Variants in SBNO2 observed in about 807,000 individuals in gnomAD.
The protein encoded by SBNO2 is strawberry notch homolog 2, also known as protein strawberry notch homolog 2.
SBNO2 carries 89 observed loss-of-function variants against 146.3 expected under a neutral mutation model. That is an observed-to-expected ratio of 0.61 (90% CI 0.51 to 0.73). SBNO2 has a LOEUF of 0.73. SBNO2 is among the 30% of genes least tolerant of loss of function. The pLI is 0.00. For missense variants in SBNO2, 2,092 were observed against 2,003.7 expected (o/e 1.04, Z -0.84); for synonymous variants, 1,147 against 892.6 (o/e 1.29, Z -5.08).
chr19:1,121,199 T>C (rs985939947), intron 11 of SBNO2, among the ~76,000 whole-genome samples: 2 of 152,204 alleles, frequency 1.3e-5, no homozygotes, highest in Non-Finnish European at 2.9e-5. Flanking sequence ...AGGTTCTTAA[T>C]ATTTTAAGAC....
intron 1 of SBNO2, among the ~76,000 whole-genome samples, chr19:1,155,403 C>T (rs968622845): frequency 6.6e-6 from 1 of 152,058 alleles, no homozygotes; most frequent in Admixed American, 6.5e-5. Context: ...GTCACCCTGC[C>T]AGGCCGTCCC....
intron 1 of SBNO2, among the ~76,000 whole-genome samples, chr19:1,155,308 T>G (rs1360872617): frequency 6.6e-6 from 1 of 152,124 alleles, no homozygotes; most frequent in Non-Finnish European, 1.5e-5. Flanking sequence ...TGCCCGGCGC[T>G]CCAGAGACAG....
At chr19:1,169,832 A>G (rs1205913098) in intron 1 of SBNO2, among the ~76,000 whole-genome samples, 1 of 152,170 alleles carries the variant, frequency 6.6e-6, no homozygotes, top group Non-Finnish European at 1.5e-5. Flanking sequence ...ATATGACTCA[A>G]CGGTTTCAAC....
Position 1,119,077 on chromosome 19 carries a change from G to T in SBNO2, c.1461C>A (p.Thr487=). ...IARQLSFSGV[T]FRIEEIPLAP... ...CCAGCGGGATCTCCTCGATGCGGAA[G>T]GTGACGCCGGAGAAGCTGAGCTGGC... Residue 487 remains threonine, a synonymous_variant, in exon 14 of 32, where the codon ACC becomes ACA. Coordinates refer to ENST00000361757, the MANE Select transcript of SBNO2 (RefSeq NM_014963.3). 1 of 1,606,010 alleles carries T rather than the reference G, an allele frequency of 6.2e-7. No individual in the cohort carries two copies.
rs1432406684 is a variant in SBNO2 at position 1,119,523 on chromosome 19, C to T, written c.1366G>A (p.Glu456Lys). 14 of 1,602,810 alleles carry T rather than the reference C, an allele frequency of 8.7e-6. No individual in the cohort carries two copies. The highest frequency in any genetic ancestry group is 1.3e-5 in the African/African-American group (1 of 74,678). Residue 456 changes from glutamate to lysine, a missense_variant, in exon 13 of 32, where the codon GAG becomes AAG. By Grantham distance (56) the Glu-to-Lys change is moderately conservative. Coordinates refer to ENST00000361757, the MANE Select transcript of SBNO2 (RefSeq NM_014963.3). ...GGTGAGAAGGGCACTCACCTCTTCT[C>T]GATGGCGTGCAGGAACTCCTCAAAG... is the stretch of plus-strand genomic sequence containing the variant. The part of the protein sequence containing the change: ...RNFEEFLHAI[E>K]KRGVGAMEIV...
At position 1,120,003 on chromosome 19, in the gene SBNO2, G is replaced by T; in HGVS notation, c.1170C>A (p.His390Gln). ...FEGVIVFDEC[H>Q]KAKNAGSTKM... ...TGGTGGAGCCGGCATTCTTGGCTTT[G>T]TGACACTCGTCGAACACGATCTGAG... is the stretch of plus-strand genomic sequence containing the variant. The change falls in exon 12 of 32, where the codon CAC becomes CAA. Residue 390 changes from histidine (H) to glutamine (Q), a missense_variant. Transcript: ENST00000361757. 1 of 1,551,488 alleles carries T rather than the reference G, an allele frequency of 6.4e-7. No homozygotes were observed.
At chr19:1,152,311 C>A (rs12976934) in intron 2 of SBNO2, among the ~76,000 whole-genome samples, 7,328 of 152,112 alleles carry the variant, frequency 0.048, 354 homozygotes, top group East Asian at 0.25. Context: ...ATTTCCCCAC[C>A]GTAGAGCCTC....
intron 1 of SBNO2, among the ~76,000 whole-genome samples, chr19:1,159,795 AACAGCGGGGGG>A (rs1351660851): frequency 2.3e-5 from 1 of 44,056 alleles, no homozygotes; most frequent in African/African-American, 9.1e-5. Context: ...ACAGTGGGGG[AACAGCGGGGGG>A]ACAGTGGGGG....
intron 5 of SBNO2, among the ~76,000 whole-genome samples, chr19:1,127,018 C>A (rs1214542804): frequency 6.6e-6 from 1 of 152,202 alleles, no homozygotes; most frequent in Non-Finnish European, 1.5e-5. Context: ...TCAGCCCCCA[C>A]GGACAATGTC....
chr19:1,111,912 A>ACCCC, intron 23 of SBNO2, 84 bp downstream of exon 23: 1 of 1,133,374 alleles, frequency 8.8e-7, no homozygotes, highest in South Asian at 1.5e-5. Flanking sequence ...GCCCCCATCT[A>ACCCC]CCCCCTCCCC....
chr19:1,112,904 C>T lies in SBNO2; in HGVS notation c.2293G>A (p.Val765Met). Residue 765 changes from valine to methionine, a missense_variant, in exon 20 of 32, where the codon GTG (valine) becomes ATG (methionine). By Grantham distance (21) the Val-to-Met change is conservative (BLOSUM62 1). Coordinates refer to ENST00000361757, the MANE Select transcript of SBNO2 (RefSeq NM_014963.3). This position sits in a 1 kb window ranked among gnomAD's most constrained non-coding sequence, Gnocchi z 5.9. Reference protein sequence around the residue: ...GRVVSRPDGTVAFESRAEQGL... With the variant: ...GRVVSRPDGTMAFESRAEQGL... ...TGCTCTGCCCGCGACTCGAAGGCCA[C>T]CGTCCCGTCGGGCCTGGACACCACG... The T allele has an allele frequency of 1.3e-6, 2 of 1,569,746 alleles. No individual in the cohort carries two copies. The highest frequency in any genetic ancestry group is 1.7e-6 in the Non-Finnish European group (2 of 1,159,090).
intron 2 of SBNO2, among the ~76,000 whole-genome samples, chr19:1,149,649 T>C (rs76145039): frequency 1.6e-3 from 243 of 152,270 alleles, no homozygotes; most frequent in Non-Finnish European, 2.2e-3. Context: ...ACCCAAGGCT[T>C]GTGGTGTGGT....
chr19:1,132,103 T>G, intron 4 of SBNO2: 1 of 1,541,248 alleles, frequency 6.5e-7, no homozygotes, highest in Non-Finnish European at 8.7e-7. Context: ...GTTCAGAGCC[T>G]CAAACTGCAG....
rs544883073 is a variant in SBNO2 at position 1,157,817 on chromosome 19, C to CT, written c.-126-3416dup. Among the ~76,000 whole-genome samples, 13 of 150,668 alleles carry CT rather than the reference C, an allele frequency of 8.6e-5. No homozygotes were observed. Among genetic ancestry groups the CT allele is most frequent in the African/African-American group, 3.2e-4 (13 of 40,352 alleles). ...ACTGTGTCCGCCTCCCAGCTCTCTC[C>CT]TGAGTCCGGGTAACTGCGTCCGCCT... On this transcript the variant is annotated intron_variant, in intron 1 of 31. Coordinates refer to ENST00000361757, the MANE Select transcript of SBNO2 (RefSeq NM_014963.3). This position sits in a 1 kb window ranked among gnomAD's most constrained non-coding sequence, Gnocchi z 6.8.
intron 4 of SBNO2, among the ~76,000 whole-genome samples, chr19:1,128,746 T>C (rs928846942): frequency 1.2e-4 from 18 of 149,638 alleles, no homozygotes; most frequent in Admixed American, 5.3e-4. Context: ...AGGTGGAAGA[T>C]TGCTTGAGTC....
chr19:1,166,389 G>A (rs1028250016), intron 1 of SBNO2, among the ~76,000 whole-genome samples: 14 of 152,242 alleles, frequency 9.2e-5, no homozygotes, highest in African/African-American at 3.4e-4. Context: ...GCTACCTGGC[G>A]GTTAAAGGCC....
chr19:1,146,992 C>A (rs2080197025), intron 4 of SBNO2, among the ~76,000 whole-genome samples: 1 of 152,150 alleles, frequency 6.6e-6, no homozygotes, highest in African/African-American at 2.4e-5. Flanking sequence ...GCCGTGGGGG[C>A]AAAGGCTGCC....
intron 1 of SBNO2, among the ~76,000 whole-genome samples, chr19:1,159,341 C>G: frequency 6.6e-6 from 1 of 151,348 alleles, no homozygotes. Flanking sequence ...CTGACCCCTG[C>G]AGACAGAGCG....
At chr19:1,132,035 A>G in intron 4 of SBNO2, 1 of 1,363,934 alleles carries the variant, frequency 7.3e-7, no homozygotes, top group South Asian at 1.4e-5. Context: ...ATGGGGTCCC[A>G]CCTCCCAGAC....
Sources: allele counts gnomAD v4.1 joint callset (sites outside exome capture counted in the v4.1 genomes callset), GRCh38; gene constraint gnomAD v4.1.1; non-coding constraint Gnocchi (gnomAD v3.1); transcripts MANE v1.5; gene names NCBI Gene and HGNC (gene_info 2026-07-23, HGNC 2026-07-21).